DPYD: variants seen among roughly 807,000 people sequenced by gnomAD.
DPYD encodes dihydropyrimidine dehydrogenase.
In DPYD, 109 loss-of-function variants were observed where a neutral mutation model predicts 116.2. The observed-to-expected ratio is 0.94, with a 90% CI of 0.80 to 1.10. The LOEUF (loss-of-function observed/expected upper bound fraction) is 1.10, where lower values mean the gene tolerates loss of function less well. DPYD is among the 50% of genes least tolerant of loss of function. The pLI is 0.00. For missense variants in DPYD, 1,302 were observed against 1,254.5 expected (o/e 1.04, Z -0.57); for synonymous variants, 440 against 432.0 (o/e 1.02, Z -0.23).
chr1:97,296,862 G>A (rs1473962208), intron 18 of DPYD, among the ~76,000 whole-genome samples: 1 of 152,082 alleles, frequency 6.6e-6, no homozygotes, highest in Non-Finnish European at 1.5e-5. Flanking sequence ...GCATGTTTAT[G>A]AATTTTTAAA....
At chr1:97,881,312 A>G (rs1289458579) in intron 2 of DPYD, among the ~76,000 whole-genome samples, 1 of 151,950 alleles carries the variant, frequency 6.6e-6, no homozygotes, top group Non-Finnish European at 1.5e-5. Flanking sequence ...CACCATCTAC[A>G]AGCCAAGGAG....
chr1:97,081,717 CTTT>C (rs371355751), intron 22 of DPYD, among the ~76,000 whole-genome samples: 3 of 136,462 alleles, frequency 2.2e-5, no homozygotes, highest in Non-Finnish European at 4.7e-5. Flanking sequence ...CTTTTCTTTT[CTTT>C]TTTTTTTTTT....
At chr1:97,461,598 A>C (rs1361918788) in intron 13 of DPYD, among the ~76,000 whole-genome samples, 2 of 152,172 alleles carry the variant, frequency 1.3e-5, no homozygotes, top group African/African-American at 4.8e-5. Context: ...AAAATCATTT[A>C]TTTGAGCATA....
At chr1:97,491,089 T>C (rs1463872279) in intron 13 of DPYD, among the ~76,000 whole-genome samples, 1 of 147,962 alleles carries the variant, frequency 6.8e-6, no homozygotes, top group African/African-American at 2.5e-5. Flanking sequence ...TATATAAATA[T>C]GTAAAAATTT....
Position 97,258,839 on chromosome 1 carries a change from C to A in DPYD, c.2300-23845G>T, listed in dbSNP as rs149536010. On this transcript the variant is annotated intron_variant, in intron 18 of 22. Transcript: ENST00000370192. ...AAAGTGAAAGTGATTAGCAGATGGT[C>A]ATTTAAGAATTGTCTATAAACACAA... Among the ~76,000 whole-genome samples, 110 of 152,176 alleles carry A rather than the reference C, an allele frequency of 7.2e-4. 3 individuals carry two copies. The East Asian group carries it at 0.015, about 21-fold the overall frequency.
At chr1:97,493,822 GCA>G (rs1418326211) in intron 13 of DPYD, among the ~76,000 whole-genome samples, 2 of 152,196 alleles carry the variant, frequency 1.3e-5, no homozygotes, top group Admixed American at 1.3e-4. Context: ...CAAAATGATA[GCA>G]CACAAATATT....
chr1:97,330,390 T>C (rs1011666701), intron 16 of DPYD, among the ~76,000 whole-genome samples: 6 of 152,192 alleles, frequency 3.9e-5, no homozygotes, highest in Admixed American at 6.5e-5. Context: ...GCCATAATTA[T>C]CTTATTTGCC....
At chr1:97,298,428 T>A (rs1429356042) in intron 18 of DPYD, among the ~76,000 whole-genome samples, 1 of 152,156 alleles carries the variant, frequency 6.6e-6, no homozygotes, top group South Asian at 2.1e-4. Context: ...GATGTTGATA[T>A]GCAAAAATTG....
intron 13 of DPYD, among the ~76,000 whole-genome samples, chr1:97,456,264 A>C (rs1440079748): frequency 6.6e-6 from 1 of 151,942 alleles, no homozygotes; most frequent in Non-Finnish European, 1.5e-5. Context: ...AAACAAATCA[A>C]CTTGAATAAG....
chr1:97,383,161 G>A (rs1157630209), intron 14 of DPYD, among the ~76,000 whole-genome samples: 6 of 151,944 alleles, frequency 3.9e-5, no homozygotes, highest in African/African-American at 1.4e-4. Flanking sequence ...ATGAATAATC[G>A]TGCCACTTAT....
intron 5 of DPYD, among the ~76,000 whole-genome samples, chr1:97,712,387 C>T (rs1662338913): frequency 6.6e-6 from 1 of 152,022 alleles, no homozygotes; most frequent in South Asian, 2.1e-4. Context: ...TGTAAATTTA[C>T]AGTCAACTAT....
chr1:97,235,437 G>A (rs183292360), intron 18 of DPYD, among the ~76,000 whole-genome samples: 2 of 152,236 alleles, frequency 1.3e-5, no homozygotes, highest in African/African-American at 4.8e-5. Flanking sequence ...GGCCAACATG[G>A]TGAAATCCCA....
chr1:97,323,630 T>C (rs1217146969), intron 16 of DPYD, among the ~76,000 whole-genome samples: 19 of 61,178 alleles, frequency 3.1e-4, no homozygotes, highest in East Asian at 2.3e-3. Flanking sequence ...ATACATATCA[T>C]ATATACATAT....
chr1:97,688,097 C>A (rs1209338430), intron 7 of DPYD, among the ~76,000 whole-genome samples: 4 of 152,094 alleles, frequency 2.6e-5, no homozygotes, highest in African/African-American at 7.2e-5. Flanking sequence ...TGTAACAAAT[C>A]TACGCATCCT....
rs527899826 is a variant in DPYD, at chr1:97,883,046, G to A, written c.150+218C>T. ...GGGTATTATGAATTTTCAGATTTGG[G>A]TTACTCAACCTGTATATAATTTGTA... On this transcript the variant is annotated intron_variant, in intron 2 of 22. Coordinates refer to ENST00000370192, the MANE Select transcript of DPYD (RefSeq NM_000110.4). Among the ~76,000 whole-genome samples, 6 of 152,016 alleles carry A rather than the reference G, an allele frequency of 3.9e-5. No homozygotes were observed. In the East Asian group the frequency reaches 1.2e-3, roughly 30 times the overall value.
intron 16 of DPYD, among the ~76,000 whole-genome samples, chr1:97,317,669 T>C (rs149431542): frequency 3.9e-5 from 6 of 152,082 alleles, no homozygotes; most frequent in African/African-American, 7.2e-5. Flanking sequence ...TATAATTCCA[T>C]ATTGAAGTGA....
intron 20 of DPYD, among the ~76,000 whole-genome samples, chr1:97,169,603 G>C (rs1025585606): frequency 3.4e-5 from 5 of 146,756 alleles, no homozygotes; most frequent in African/African-American, 5.1e-5. Context: ...GGAGTGCAAT[G>C]GTGCGATCTC....
At chr1:97,141,108 A>C (rs1025303557) in intron 20 of DPYD, among the ~76,000 whole-genome samples, 1 of 152,186 alleles carries the variant, frequency 6.6e-6, no homozygotes, top group Non-Finnish European at 1.5e-5. Flanking sequence ...AATGGGAAGT[A>C]CTGAAGATGT....
intron 1 of DPYD, among the ~76,000 whole-genome samples, chr1:97,917,435 C>T (rs552841759): frequency 6.6e-6 from 1 of 152,254 alleles, no homozygotes; most frequent in Non-Finnish European, 1.5e-5. Flanking sequence ...CATTATGCTT[C>T]TATTTTCCAA....
Sources: allele counts gnomAD v4.1 joint callset (sites outside exome capture counted in the v4.1 genomes callset), GRCh38; gene constraint gnomAD v4.1.1; transcripts MANE v1.5; gene names NCBI Gene and HGNC (gene_info 2026-07-23, HGNC 2026-07-21).